Variants in ZNF469 observed in about 807,000 individuals in gnomAD.
ZNF469 encodes the protein zinc finger protein 469.
ZNF469 carries 1 observed loss-of-function variant against 1.0 expected under a neutral mutation model. The observed-to-expected ratio is 1.00, with a 90% CI of 0.35 to 4.73. The LOEUF (loss-of-function observed/expected upper bound fraction) is 4.73, where lower values mean the gene tolerates loss of function less well. ZNF469 is among the 30% of genes most tolerant of loss of function. The pLI is 0.16. For missense variants in ZNF469, 6,100 were observed against 5,356.3 expected (o/e 1.14, Z -4.33); for synonymous variants, 2,703 against 2,363.4 (o/e 1.14, Z -4.17).
chr16:88,381,268 A>G (rs1421327087), upstream of ZNF469, among the ~76,000 whole-genome samples: 1 of 150,160 alleles, frequency 6.7e-6, no homozygotes, highest in Non-Finnish European at 1.5e-5. Flanking sequence ...GCACTCACAC[A>G]GACATGCACT....
the ZNF469 span, among the ~76,000 whole-genome samples, chr16:88,136,044 C>A: frequency 1.3e-5 from 2 of 152,120 alleles, no homozygotes; most frequent in Non-Finnish European, 2.9e-5. Flanking sequence ...CAGGCGTGAG[C>A]CACCGCGCCC....
chr16:88,180,021 C>A, the ZNF469 span, among the ~76,000 whole-genome samples: 1 of 152,120 alleles, frequency 6.6e-6, no homozygotes, highest in Non-Finnish European at 1.5e-5. Context: ...TATAACAAGG[C>A]AATAGTGAAG....
the ZNF469 span, among the ~76,000 whole-genome samples, chr16:88,351,290 C>A: frequency 6.6e-6 from 1 of 152,160 alleles, no homozygotes; most frequent in East Asian, 1.9e-4. Context: ...GTCTCCGTTT[C>A]CCCAGCCATA....
chr16:88,195,759 C>T, the ZNF469 span, among the ~76,000 whole-genome samples: 31 of 152,202 alleles, frequency 2.0e-4, no homozygotes, highest in Admixed American at 4.6e-4. Flanking sequence ...CCCAGAGCGT[C>T]AGGAAAGGTC....
chr16:88,415,029 G>A (rs566157547), intron 1 of ZNF469, among the ~76,000 whole-genome samples: 5 of 152,306 alleles, frequency 3.3e-5, no homozygotes, highest in South Asian at 2.1e-4. Context: ...GCACTGCCTC[G>A]GCCTCGCAGA....
At chr16:88,208,779 G>GCACACACACACACACACA in the ZNF469 span, among the ~76,000 whole-genome samples, 2 of 133,810 alleles carry the variant, frequency 1.5e-5, no homozygotes, top group South Asian at 5.4e-4. Flanking sequence ...GCGTGCGCGC[G>GCACACACACACACACACA]CACACACACA....
chr16:88,437,188 A>T lies in ZNF469; in HGVS notation c.9718A>T (p.Arg3240Trp). 3.9e-6 allele frequency: 6 copies of T among 1,549,498 alleles called. No individual in the cohort carries two copies. Among genetic ancestry groups the T allele is most frequent in the Non-Finnish European group, 5.2e-6 (6 of 1,146,576 alleles). The change falls in exon 3 of 3, where the codon AGG becomes TGG. Residue 3240 changes from arginine to tryptophan, a missense_variant. Arg to Trp is a moderately radical substitution (Grantham distance 101). Transcript: ENST00000565624. ...SITEPAPKHH[R>W]GKRSAGKAAG... ...CACGGAACCCGCGCCCAAACACCAC[A>T]GGGGCAAGCGCTCCGCCGGCAAGGC...
chr16:88,310,091 G>A, the ZNF469 span, among the ~76,000 whole-genome samples: 1 of 152,200 alleles, frequency 6.6e-6, no homozygotes, highest in Admixed American at 6.5e-5. Context: ...GAGCAGGGGT[G>A]CCCTCCAGTG....
chr16:88,418,517 G>A (rs747034574), intron 1 of ZNF469, among the ~76,000 whole-genome samples: 6 of 152,068 alleles, frequency 3.9e-5, no homozygotes, highest in Non-Finnish European at 8.8e-5. Context: ...TGGGTGGCAG[G>A]GCTCCGTCTT....
chr16:88,422,972 A>AATGGATGG (rs1165010849), intron 1 of ZNF469, among the ~76,000 whole-genome samples: 10 of 137,090 alleles, frequency 7.3e-5, no homozygotes, highest in African/African-American at 2.8e-4. Context: ...TGGATGGATT[A>AATGGATGG]ATGGATGGAT....
chr16:88,334,197 A>G, the ZNF469 span, among the ~76,000 whole-genome samples: 3 of 152,078 alleles, frequency 2.0e-5, no homozygotes, highest in African/African-American at 7.2e-5. Flanking sequence ...TCCCTTTCCT[A>G]AGAGACCAAA....
Position 88,429,291 on chromosome 16 carries a change from C to T in ZNF469, c.1821C>T (p.Ser607=), listed in dbSNP as rs1306043791. The change falls in exon 3 of 3, where the codon TCC becomes TCT. Residue 607 remains serine (S), a synonymous_variant. Transcript: ENST00000565624. ...ATNTAGSTCS[S]LSPMSSSPAN... is the part of the protein sequence containing the mutation. ...ACACGGCCGGCAGCACCTGCTCTTC[C>T]CTGTCGCCGATGTCCAGCAGCCCAG... 6.5e-7 allele frequency: 1 copy of T among 1,549,926 alleles called. No individual in the cohort carries two copies. Among genetic ancestry groups the T allele is most frequent in the Admixed American group, 2.0e-5 (1 of 51,012 alleles).
the ZNF469 span, among the ~76,000 whole-genome samples, chr16:88,184,518 T>A: frequency 6.6e-6 from 1 of 151,890 alleles, no homozygotes; most frequent in South Asian, 2.1e-4. Context: ...TTCTCACTAC[T>A]GAGAGGCAGT....
upstream of ZNF469, among the ~76,000 whole-genome samples, chr16:88,379,229 C>T (rs2092515405): frequency 6.6e-6 from 1 of 152,198 alleles, no homozygotes; most frequent in Non-Finnish European, 1.5e-5. Flanking sequence ...CTCTGGGCAG[C>T]ATGTGGGCTT....
At chr16:88,393,246 C>T (rs970471812) in intron 1 of ZNF469, among the ~76,000 whole-genome samples, 15 of 152,378 alleles carry the variant, frequency 9.8e-5, no homozygotes, top group East Asian at 1.9e-4. Context: ...CCTCCGTGCC[C>T]GGCCAAGCGG....
the ZNF469 span, among the ~76,000 whole-genome samples, chr16:88,283,934 G>A: frequency 3.2e-5 from 4 of 126,542 alleles, no homozygotes; most frequent in African/African-American, 8.7e-5. Flanking sequence ...GAGGTCTGCG[G>A]AGGCTGGTAG....
chr16:88,432,490 T>C lies in ZNF469; in HGVS notation c.5020T>C (p.Cys1674Arg), dbSNP rs1166185760. The change falls in exon 3 of 3, where the codon TGT becomes CGT. Residue 1674 changes from cysteine (C) to arginine (R), a missense_variant. Physicochemically the swap from Cys to Arg is radical, Grantham distance 180. Transcript: ENST00000565624. ...TCCGGGACATGCAGCCCTTCTCCCC[T>C]GTGCCCAGGAAGACCTGGTTTCTGG... is the stretch of plus-strand genomic sequence containing the variant. ...FHPGHAALLPCAQEDLVSGAP... is the reference protein window; with the variant it reads ...FHPGHAALLPRAQEDLVSGAP... 4.5e-6 allele frequency: 7 copies of C among 1,550,370 alleles called. No individual in the cohort carries two copies. The Admixed American group carries it at 1.4e-4, about 30-fold the overall frequency.
In ZNF469 at chr16:88,435,820, C is replaced by T. The variant is rs1172315984; in HGVS notation, c.8350C>T (p.Arg2784Ter). 5.8e-6 allele frequency: 9 copies of T among 1,550,396 alleles called. No homozygotes were observed. The highest frequency in any genetic ancestry group is 7.8e-6 in the Non-Finnish European group (9 of 1,146,946). Residue 2784 changes from arginine (R) to a stop codon, truncating the protein, a stop_gained, in exon 3 of 3, where the codon CGA becomes TGA. Coordinates refer to ENST00000565624, the MANE Select transcript of ZNF469 (RefSeq NM_001367624.2). LOFTEE classifies it low-confidence loss of function (END_TRUNC). ...PAEDSSRAHS[R>*]SEEGVWEENT... The stretch of plus-strand genomic sequence containing the variant: ...GGAGGACAGCAGCAGGGCCCACAGC[C>T]GATCAGAGGAAGGTGTCTGGGAGGA...
the ZNF469 span, among the ~76,000 whole-genome samples, chr16:88,214,786 G>A: frequency 6.6e-6 from 1 of 152,146 alleles, no homozygotes; most frequent in Admixed American, 6.5e-5. Flanking sequence ...AGTTTGCTGA[G>A]AATGATGGTA....
Sources: gnomAD v4.1 joint callset for allele counts (sites outside exome capture counted in the v4.1 genomes callset) on GRCh38, gnomAD v4.1.1 for gene constraint, MANE v1.5 for transcripts, NCBI Gene and HGNC (gene_info 2026-07-23, HGNC 2026-07-21) for gene names.